PPM1H: variants seen among roughly 807,000 people sequenced by gnomAD.
The protein encoded by PPM1H is protein phosphatase, Mg2+/Mn2+ dependent 1H.
Under a neutral mutation model 54.9 loss-of-function variants are expected in PPM1H, and 27 were observed. The observed-to-expected ratio is 0.49, with a 90% CI of 0.36 to 0.68. PPM1H has a LOEUF of 0.68. Ranked by LOEUF, PPM1H falls within the 30% of genes least tolerant of loss-of-function variation. The pLI is 0.00. For synonymous variants in PPM1H, 305 were observed against 270.8 expected, an observed-to-expected ratio of 1.13 and a Z score of -1.24; for missense variants, 596 against 667.8, an observed-to-expected ratio of 0.89 and a Z score of 1.19.
rs1872284731 is a variant in PPM1H, at chr12:62,934,981, GC to G, written c.-246del. Reference sequence around the variant, plus strand: ...TCCGCAACGGAGCTGCATGGAGCGGGCCGACCGGGGGAGTCACCGCGCGCTC... The same window carrying G: ...TCCGCAACGGAGCTGCATGGAGCGGGCGACCGGGGGAGTCACCGCGCGCTC... On this transcript the variant is annotated 5_prime_UTR_variant, in exon 1 of 10. Transcript: ENST00000228705. This position sits in a 1 kb window ranked among gnomAD's most constrained non-coding sequence, Gnocchi z 4.2. 1 of 254,156 alleles carries G rather than the reference GC, an allele frequency of 3.9e-6. No individual in the cohort carries two copies. Among genetic ancestry groups the G allele is most frequent in the South Asian group, 1.7e-4 (1 of 5,734 alleles). The allele number at this position is 254,156 out of a possible 1,614,324, so 15.7% of individuals were successfully genotyped here.
intron 1 of PPM1H, among the ~76,000 whole-genome samples, chr12:62,864,172 A>C (rs1869697620): frequency 6.6e-6 from 1 of 152,198 alleles, no homozygotes; most frequent in African/African-American, 2.4e-5. Flanking sequence ...AGCCCTCGAC[A>C]ACAAAAATTA....
chr12:62,780,269 A>G (rs111495546), intron 4 of PPM1H, among the ~76,000 whole-genome samples: 40 of 152,162 alleles, frequency 2.6e-4, no homozygotes, highest in Non-Finnish European at 4.1e-4. Flanking sequence ...AAAAATGTGA[A>G]CCATTGATAA....
At chr12:62,790,558 C>G (rs545515701) in intron 3 of PPM1H, among the ~76,000 whole-genome samples, 2 of 152,024 alleles carry the variant, frequency 1.3e-5, no homozygotes, top group African/African-American at 2.4e-5. Context: ...GGTGACAGAG[C>G]GAGACCCTGT....
chr12:62,693,737 C>T (rs1050911509), intron 7 of PPM1H, among the ~76,000 whole-genome samples, 199 bp downstream of exon 7: 2 of 152,170 alleles, frequency 1.3e-5, no homozygotes, highest in Admixed American at 6.5e-5. Context: ...TTGTGCTCAC[C>T]GCCCACCTCC....
intron 6 of PPM1H, among the ~76,000 whole-genome samples, chr12:62,695,662 AG>A (rs953691712): frequency 2.6e-5 from 4 of 152,158 alleles, no homozygotes; most frequent in African/African-American, 9.7e-5. Flanking sequence ...TATTATTAGA[AG>A]AATTTGGGTT....
chr12:62,889,744 C>T (rs1014537201), intron 1 of PPM1H, among the ~76,000 whole-genome samples: 2 of 152,278 alleles, frequency 1.3e-5, no homozygotes, highest in Non-Finnish European at 2.9e-5. Flanking sequence ...TGACTCTAGA[C>T]ACAGATTTTA....
intron 3 of PPM1H, among the ~76,000 whole-genome samples, chr12:62,790,937 C>G (rs1482339794): frequency 6.6e-6 from 1 of 152,192 alleles, no homozygotes; most frequent in Non-Finnish European, 1.5e-5. Context: ...AGTAGGATAT[C>G]TGGACCCTTC....
chr12:62,805,055 G>T (rs1450872786), intron 2 of PPM1H, among the ~76,000 whole-genome samples: 2 of 152,084 alleles, frequency 1.3e-5, no homozygotes, highest in African/African-American at 4.8e-5. Flanking sequence ...ACGGACAAAG[G>T]ATCTGAATAG....
At chr12:62,707,166 C>A (rs7952978) in intron 6 of PPM1H, among the ~76,000 whole-genome samples, 18,056 of 152,204 alleles carry the variant, frequency 0.12, 1,460 homozygotes, top group East Asian at 0.27. Context: ...ATGCCCTGGG[C>A]AGCATGGTCT....
Position 62,748,529 on chromosome 12 carries a change from A to AACACACACAC in PPM1H, c.870-10953_870-10944dup, listed in dbSNP as rs3052402. ...TGTAGTTAAATGTGTTTCAGTGTAGAACACACACACACACACACACACACA... is the reference window on the plus strand; with the variant it reads ...TGTAGTTAAATGTGTTTCAGTGTAGAACACACACACACACACACACACACACACACACACA... On this transcript the variant is annotated intron_variant, in intron 4 of 9. Transcript: ENST00000228705. Among the ~76,000 whole-genome samples the AACACACACAC allele has an allele frequency of 3.4e-3, 507 of 147,392 alleles. 4 individuals carry two copies. Among genetic ancestry groups the AACACACACAC allele is most frequent in the African/African-American group, 0.011 (453 of 39,850 alleles).
intron 4 of PPM1H, among the ~76,000 whole-genome samples, chr12:62,786,577 C>T (rs559370888): frequency 6.6e-6 from 1 of 152,328 alleles, no homozygotes; most frequent in East Asian, 1.9e-4. Flanking sequence ...TCATTAGTGG[C>T]TCCCACTCTC....
At position 62,850,056 on chromosome 12, in the gene PPM1H, A is replaced by G. The variant is rs139702684; in HGVS notation, c.246-17777T>C. Reference sequence around the variant, plus strand: ...TGGCTCACTGCAGCCTAAACCTCCCAGGCTCAAGCAATCCTCCTCCCTCAG... The same window carrying G: ...TGGCTCACTGCAGCCTAAACCTCCCGGGCTCAAGCAATCCTCCTCCCTCAG... On this transcript the variant is annotated intron_variant, in intron 1 of 9. Coordinates refer to ENST00000228705, the MANE Select transcript of PPM1H (RefSeq NM_020700.2). 6.6e-5 allele frequency among the ~76,000 whole-genome samples: 10 copies of G among 152,166 alleles called. No individual in the cohort carries two copies. In the East Asian group the frequency reaches 1.7e-3, roughly 27 times the overall value.
chr12:62,837,737 A>C (rs1565804686), intron 1 of PPM1H, among the ~76,000 whole-genome samples: 1 of 152,242 alleles, frequency 6.6e-6, no homozygotes, highest in South Asian at 2.1e-4. Context: ...GTAAGCACTT[A>C]AAATATGTTA....
At chr12:62,734,542 A>G (rs1351189373) in intron 5 of PPM1H, among the ~76,000 whole-genome samples, 6 of 152,214 alleles carry the variant, frequency 3.9e-5, no homozygotes, top group Non-Finnish European at 1.5e-5. Context: ...TCTTATTTCA[A>G]CCATCCCAAA....
intron 4 of PPM1H, among the ~76,000 whole-genome samples, chr12:62,775,395 A>T (rs536034006): frequency 2.4e-4 from 36 of 152,314 alleles, no homozygotes; most frequent in African/African-American, 6.7e-4. Context: ...TAGTCTGGGC[A>T]GCTCTACCTT....
chr12:62,770,673 G>A (rs1422325795), intron 4 of PPM1H, among the ~76,000 whole-genome samples: 1 of 152,146 alleles, frequency 6.6e-6, no homozygotes, highest in East Asian at 1.9e-4. Context: ...AACATGACAA[G>A]GGTGTGGTGG....
At chr12:62,906,846 C>T (rs1377034450) in intron 1 of PPM1H, among the ~76,000 whole-genome samples, 1 of 152,176 alleles carries the variant, frequency 6.6e-6, no homozygotes, top group African/African-American at 2.4e-5. Flanking sequence ...TGTATAAATC[C>T]AATCAGACAT....
chr12:62,691,474 T>G lies in PPM1H; in HGVS notation c.1138-1668A>C, dbSNP rs555568251. Among the ~76,000 whole-genome samples the G allele has an allele frequency of 5.4e-4, 82 of 152,262 alleles. 1 individual carries two copies. The highest frequency in any genetic ancestry group is 1.9e-3 in the African/African-American group (81 of 41,544). ...GTTCGGAAGGTAGGCAGAGTTCACA[T>G]TAAGCAGAAATGAAACCATGACACC... On this transcript the variant is annotated intron_variant, in intron 7 of 9. Transcript: ENST00000228705.
chr12:62,661,020 A>T (rs985376032), intron 9 of PPM1H, among the ~76,000 whole-genome samples: 1 of 152,112 alleles, frequency 6.6e-6, no homozygotes, highest in Non-Finnish European at 1.5e-5. Context: ...TTTCACGTTC[A>T]TGATCTCATG....
Sources: gnomAD v4.1 joint callset for allele counts (sites outside exome capture counted in the v4.1 genomes callset) on GRCh38, gnomAD v4.1.1 for gene constraint, Gnocchi (gnomAD v3.1) non-coding constraint, MANE v1.5 for transcripts, NCBI Gene and HGNC (gene_info 2026-07-23, HGNC 2026-07-21) for gene names.